FBLN7: variants seen among roughly 807,000 people sequenced by gnomAD.
FBLN7 encodes fibulin-7.
FBLN7 carries 31 observed loss-of-function variants against 44.0 expected under a neutral mutation model. The ratio of observed to expected loss-of-function variants is 0.70; its 90% CI spans 0.53 to 0.95. The LOEUF is 0.95. FBLN7 is among the 40% of genes least tolerant of loss of function. The pLI is 0.00. For missense variants in FBLN7, 573 were observed against 618.5 expected (o/e 0.93, Z 0.78); for synonymous variants, 262 against 253.4 (o/e 1.03, Z -0.32).
the FBLN7 span, among the ~76,000 whole-genome samples, chr2:112,228,500 C>CAAAA: frequency 6.5e-5 from 5 of 77,092 alleles, no homozygotes; most frequent in South Asian, 2.0e-3. Context: ...GACTCTGTCT[C>CAAAA]AAAAAAAAAA....
the FBLN7 span, among the ~76,000 whole-genome samples, chr2:112,221,087 C>T: frequency 4.3e-4 from 65 of 152,084 alleles, no homozygotes; most frequent in African/African-American, 1.1e-3. Context: ...CTTTCAGGGA[C>T]GGAAATGAGT....
At chr2:112,144,642 A>G (rs1250581830) in intron 1 of FBLN7, among the ~76,000 whole-genome samples, 2 of 149,932 alleles carry the variant, frequency 1.3e-5, no homozygotes, top group Non-Finnish European at 3.0e-5. Flanking sequence ...CTCCTGCCTC[A>G]GCCTTCCGTG....
At chr2:112,238,262 CTG>C in the FBLN7 span, 4 of 1,560,934 alleles carry the variant, frequency 2.6e-6, no homozygotes, top group African/African-American at 5.5e-5. Flanking sequence ...ATATGGACAA[CTG>C]TGACTGCTTC....
intron 2 of FBLN7, among the ~76,000 whole-genome samples, chr2:112,160,704 G>GCA (rs3080966): frequency 1.2e-4 from 17 of 144,056 alleles, no homozygotes; most frequent in South Asian, 2.2e-4. Flanking sequence ...ACACACGCAC[G>GCA]CACACACACA....
chr2:112,166,629 G>A (rs1682175240), intron 3 of FBLN7, among the ~76,000 whole-genome samples: 1 of 152,178 alleles, frequency 6.6e-6, no homozygotes, highest in African/African-American at 2.4e-5. Context: ...TTACTTACTT[G>A]ACTCTGAAAG....
Position 112,187,629 on chromosome 2 carries a change from G to A in FBLN7, c.*123G>A, listed in dbSNP as rs1683337847. 6.6e-6 allele frequency: 9 copies of A among 1,369,004 alleles called. No homozygotes were observed. The highest frequency in any genetic ancestry group is 4.0e-6 in the Non-Finnish European group (4 of 1,003,568). 84.8% of individuals were successfully genotyped at this position (1,369,004 alleles called of 1,614,324 possible). ...CCCGCCCTCTCACCAGTGCACCCAG[G>A]CTTCTAGGGCAGCGTTGCACGGCGC... On this transcript the variant is annotated 3_prime_UTR_variant, in exon 8 of 8. Transcript: ENST00000331203. This position sits in a 1 kb window ranked among gnomAD's most constrained non-coding sequence, Gnocchi z 5.1.
the FBLN7 span, among the ~76,000 whole-genome samples, chr2:112,198,655 GAAA>G: frequency 6.6e-6 from 1 of 151,514 alleles, no homozygotes; most frequent in Non-Finnish European, 1.5e-5. Context: ...AAGAAAGAAA[GAAA>G]GAAAGAAAGA....
At chr2:112,181,518 T>TCTATTC (rs1682989219) in intron 4 of FBLN7, among the ~76,000 whole-genome samples, 2 of 152,152 alleles carry the variant, frequency 1.3e-5, no homozygotes. Flanking sequence ...CCTGCACCAT[T>TCTATTC]CTATTCCAGG....
intron 2 of FBLN7, among the ~76,000 whole-genome samples, chr2:112,160,756 ACACGCACGCACACGCAGACG>A (rs1681775064): frequency 2.3e-5 from 2 of 85,574 alleles, no homozygotes; most frequent in Non-Finnish European, 5.3e-5. Context: ...GCGCACGCAC[ACACGCACGCACACGCAGACG>A]CACACGCACG....
intron 1 of FBLN7, among the ~76,000 whole-genome samples, chr2:112,144,254 C>T (rs1387820838): frequency 6.6e-6 from 1 of 152,140 alleles, no homozygotes; most frequent in Non-Finnish European, 1.5e-5. Flanking sequence ...CCCAAATAGA[C>T]GATTTTAATG....
intron 3 of FBLN7, among the ~76,000 whole-genome samples, chr2:112,166,154 G>A (rs984427222): frequency 2.0e-5 from 3 of 152,192 alleles, no homozygotes; most frequent in African/African-American, 2.4e-5. Flanking sequence ...GGGTTCCAGC[G>A]ATTCTCCTGC....
At chr2:112,176,839 G>A (rs1056887778) in intron 4 of FBLN7, 4 of 152,108 alleles carry the variant, frequency 2.6e-5, no homozygotes, top group African/African-American at 9.7e-5. Context: ...CAAACAAGAG[G>A]GAAAAAGAAA....
the FBLN7 span, among the ~76,000 whole-genome samples, chr2:112,223,267 GA>G: frequency 8.9e-4 from 133 of 149,010 alleles, no homozygotes; most frequent in Middle Eastern, 0.017. Flanking sequence ...TTTAAAAAAA[GA>G]AAAAAAAAGT....
At chr2:112,158,310 TTGCAGCTCAC>T (rs1018859877) in intron 1 of FBLN7, among the ~76,000 whole-genome samples, 41 of 152,306 alleles carry the variant, frequency 2.7e-4, no homozygotes, top group African/African-American at 9.4e-4. Context: ...AGTGATGTGA[TTGCAGCTCAC>T]TGCAACCTCC....
chr2:112,186,997 C>T (rs1258507823), intron 7 of FBLN7, 137 bp from the exon 8 acceptor site: 23 of 1,031,028 alleles, frequency 2.2e-5, no homozygotes, highest in Admixed American at 8.0e-5. Flanking sequence ...AGCTCCATAG[C>T]TCCTGGGTGA....
intron 1 of FBLN7, among the ~76,000 whole-genome samples, chr2:112,149,765 A>G (rs190629608): frequency 3.0e-4 from 45 of 152,344 alleles, no homozygotes; most frequent in African/African-American, 1.1e-3. Flanking sequence ...ATAAGCACCC[A>G]TAATTTGACT....
intron 3 of FBLN7, among the ~76,000 whole-genome samples, chr2:112,167,916 T>TTATGTTATGTTATGTTATGTTA (rs879705773): frequency 6.6e-6 from 1 of 152,174 alleles, no homozygotes; most frequent in Non-Finnish European, 1.5e-5. Context: ...TTATGTTATG[T>TTATGTTATGTTATGTTATGTTA]TATGTTCACT....
chr2:112,224,223 G>C, the FBLN7 span, among the ~76,000 whole-genome samples: 2 of 152,250 alleles, frequency 1.3e-5, no homozygotes, highest in South Asian at 2.1e-4. Flanking sequence ...TTTATATCAG[G>C]AACGTAAGGG....
the FBLN7 span, chr2:112,214,194 C>T: frequency 6.6e-6 from 1 of 152,114 alleles, no homozygotes; most frequent in African/African-American, 2.4e-5. Context: ...GATCCGCCCA[C>T]CTCGGCCTCC....
Sources: allele counts gnomAD v4.1 joint callset (sites outside exome capture counted in the v4.1 genomes callset), GRCh38; gene constraint gnomAD v4.1.1; non-coding constraint Gnocchi (gnomAD v3.1); transcripts MANE v1.5; gene names NCBI Gene and HGNC (gene_info 2026-07-23, HGNC 2026-07-21).